TPX2: variants seen among roughly 807,000 people sequenced by gnomAD.
TPX2 encodes TPX2 microtubule nucleation factor.
TPX2 carries 21 observed loss-of-function variants against 93.6 expected under a neutral mutation model. The observed-to-expected ratio is 0.22, with a 90% confidence interval of 0.16 to 0.32. The LOEUF (loss-of-function observed/expected upper bound fraction) is 0.32. TPX2 is among the 10% of genes least tolerant of loss of function. The pLI is 1.00. For synonymous variants in TPX2, 281 were observed against 298.3 expected, an observed-to-expected ratio of 0.94 and a Z score of 0.60; for missense variants, 776 against 871.1, an observed-to-expected ratio of 0.89 and a Z score of 1.37.
Position 31,775,928 on chromosome 20 carries a change from G to A in TPX2, c.670G>A (p.Glu224Lys), listed in dbSNP as rs2061993860. The A allele has an allele frequency of 1.2e-6, 2 of 1,604,728 alleles. No homozygotes were observed. Among genetic ancestry groups the A allele is most frequent in the Non-Finnish European group, 1.7e-6 (2 of 1,174,776 alleles). The stretch of plus-strand genomic sequence containing the variant: ...GGAGAAGAGTATGAAAATGCAGCAA[G>A]AGGTGGTGGAGATGCGGAAAAAGAA... ...ELEKSMKMQQEVVEMRKKNEE... is the reference protein window; with the variant it reads ...ELEKSMKMQQKVVEMRKKNEE... Residue 224 changes from glutamate to lysine, a missense_variant, in exon 8 of 18, where the codon GAG (glutamate) becomes AAG (lysine). Around this residue, in one of 3 missense-constraint regions of TPX2, gnomAD observed 279 missense variants for 261.6 expected, o/e 1.07. Coordinates refer to ENST00000300403, the MANE Select transcript of TPX2 (RefSeq NM_012112.5).
At chr20:31,782,110 A>G in intron 10 of TPX2, 139 bp from the exon 11 acceptor site, 1 of 1,112,158 alleles carries the variant, frequency 9.0e-7, no homozygotes. Flanking sequence ...TGGTTTGACC[A>G]ATGTAAGCTG....
intron 14 of TPX2, 109 bp downstream of exon 14, chr20:31,794,133 T>C: frequency 8.2e-7 from 1 of 1,225,872 alleles, no homozygotes; most frequent in Non-Finnish European, 1.1e-6. Flanking sequence ...TTTTGATCTT[T>C]CTAAGAACCC....
intron 12 of TPX2, among the ~76,000 whole-genome samples, chr20:31,785,844 A>T (rs1156298523): frequency 1.3e-5 from 2 of 151,624 alleles, no homozygotes; most frequent in African/African-American, 4.8e-5. Context: ...TTTTCCCCCT[A>T]CCTAAGTTTT....
At chr20:31,771,349 T>C (rs894402909) in intron 6 of TPX2, among the ~76,000 whole-genome samples, 9 of 152,188 alleles carry the variant, frequency 5.9e-5, no homozygotes, top group African/African-American at 2.2e-4. Flanking sequence ...ATAACTCTTA[T>C]CTTGATAGCG....
chr20:31,771,613 C>T lies in TPX2; in HGVS notation c.539C>T (p.Ala180Val). The T allele has an allele frequency of 1.2e-6, 2 of 1,613,938 alleles. No homozygotes were observed. The highest frequency in any genetic ancestry group is 1.1e-5 in the South Asian group (1 of 91,046). The change falls in exon 7 of 18, where the codon GCT becomes GTT. Residue 180 changes from alanine (A) to valine (V), a missense_variant. By Grantham distance (64) the Ala-to-Val change is moderately conservative (BLOSUM62 0). Transcript: ENST00000300403. ...GAAGGCAGTGCTCATCAAGATACTG[C>T]TGAAAAGAATGCATCTTCCCCAGAG... Reference protein sequence around the residue: ...EEEGSAHQDTAEKNASSPEKA... With the variant: ...EEEGSAHQDTVEKNASSPEKA...
chr20:31,775,206 G>A (rs1283696339), intron 7 of TPX2, among the ~76,000 whole-genome samples: 4 of 151,554 alleles, frequency 2.6e-5, no homozygotes, highest in Non-Finnish European at 4.4e-5. Flanking sequence ...TCATCCACCC[G>A]CCTCGGCCTC....
chr20:31,779,063 C>G, intron 10 of TPX2, 79 bp downstream of exon 10: 1 of 1,416,504 alleles, frequency 7.1e-7, no homozygotes. Context: ...ACAGATTTGT[C>G]TTTAGCTGAA....
chr20:31,794,158 G>A (rs1295996663), intron 14 of TPX2, 134 bp downstream of exon 14: 11 of 1,114,478 alleles, frequency 9.9e-6, no homozygotes, highest in Non-Finnish European at 1.4e-5. Context: ...AAATATAAAT[G>A]GGACAAGTAA....
chr20:31,782,471 C>G (rs1454228892), intron 11 of TPX2, 81 bp downstream of exon 11: 3 of 1,508,104 alleles, frequency 2.0e-6, no homozygotes, highest in Admixed American at 2.2e-5. Context: ...GTGACAGTTG[C>G]TATTTTTCTT....
rs397866298 is a variant in TPX2 at position 31,772,019 on chromosome 20, CT to C, written c.608+356del. Among the ~76,000 whole-genome samples the C allele has an allele frequency of 1.2e-3, 147 of 125,248 alleles. 1 individual carries two copies. The highest frequency in any genetic ancestry group is 8.7e-3 in the Middle Eastern group (2 of 230). 82.2% of individuals were successfully genotyped at this position (125,248 alleles called of 152,430 possible). ...GGCATGCACTATCATGCCTGGCTAA[CT>C]TTTTTTTTTTTTTTTTTTGAGACAG... On this transcript the variant is annotated intron_variant, in intron 7 of 17. Coordinates refer to ENST00000300403, the MANE Select transcript of TPX2 (RefSeq NM_012112.5).
At chr20:31,762,706 C>G (rs989664888) in intron 4 of TPX2, among the ~76,000 whole-genome samples, 5 of 152,054 alleles carry the variant, frequency 3.3e-5, no homozygotes, top group African/African-American at 1.2e-4. Context: ...GTCTTTAATC[C>G]ATTTTGAGTT....
At position 31,770,447 on chromosome 20, in the gene TPX2, T is replaced by C; in HGVS notation, c.461T>C (p.Ile154Thr). Residue 154 changes from isoleucine to threonine, a missense_variant, in exon 6 of 18, where the codon ATT becomes ACT. Physicochemically the swap from Ile to Thr is moderately conservative, Grantham distance 89. Transcript: ENST00000300403. ...RCATPVIIDE[I>T]LPSKKMKVSN... is the part of the protein sequence containing the mutation. ...GCCACTCCTGTAATCATCGATGAAATTCTACCCTCTAAGAAAATGAAAGTG... is the reference window on the plus strand; with the variant it reads ...GCCACTCCTGTAATCATCGATGAAACTCTACCCTCTAAGAAAATGAAAGTG... 1 of 1,586,920 alleles carries C rather than the reference T, an allele frequency of 6.3e-7. No individual in the cohort carries two copies. Among genetic ancestry groups the C allele is most frequent in the South Asian group, 1.2e-5 (1 of 85,732 alleles).
chr20:31,759,797 A>T (rs1005262555), intron 3 of TPX2, among the ~76,000 whole-genome samples: 1 of 152,018 alleles, frequency 6.6e-6, no homozygotes, highest in Non-Finnish European at 1.5e-5. Context: ...AAAGATAAGG[A>T]GTTATTCACA....
intron 1 of TPX2, among the ~76,000 whole-genome samples, chr20:31,740,685 A>G (rs2061748425): frequency 6.6e-6 from 1 of 152,236 alleles, no homozygotes; most frequent in Non-Finnish European, 1.5e-5. Context: ...AGAGCAAGAT[A>G]GGACACCATC....
chr20:31,773,869 GA>G (rs1191018972), intron 7 of TPX2, among the ~76,000 whole-genome samples: 1 of 151,248 alleles, frequency 6.6e-6, no homozygotes, highest in Non-Finnish European at 1.5e-5. Context: ...AGAACATTTG[GA>G]TTTTTTTTTT....
At chr20:31,775,788 T>C in intron 7 of TPX2, 79 bp from the exon 8 acceptor site, 1 of 1,332,078 alleles carries the variant, frequency 7.5e-7, no homozygotes, top group East Asian at 2.8e-5. Flanking sequence ...AAAAATATTA[T>C]ATAATGCCTG....
At chr20:31,767,300 C>T (rs1261347630) in intron 5 of TPX2, among the ~76,000 whole-genome samples, 2 of 152,106 alleles carry the variant, frequency 1.3e-5, no homozygotes, top group African/African-American at 4.8e-5. Flanking sequence ...TTCCAAAGGC[C>T]TTGTATGGAT....
At chr20:31,754,882 A>T in intron 2 of TPX2, among the ~76,000 whole-genome samples, 1 of 152,240 alleles carries the variant, frequency 6.6e-6, no homozygotes, top group Admixed American at 6.5e-5. Flanking sequence ...TGATTCATTT[A>T]AAAAAATAAT....
At chr20:31,754,881 TAAAA>T (rs1159020202) in intron 2 of TPX2, among the ~76,000 whole-genome samples, 5 of 152,158 alleles carry the variant, frequency 3.3e-5, no homozygotes, top group Non-Finnish European at 7.3e-5. Context: ...ATGATTCATT[TAAAA>T]AAATAATAGT....
Sources: gnomAD v4.1 joint callset for allele counts (sites outside exome capture counted in the v4.1 genomes callset) on GRCh38, gnomAD v4.1.1 for gene constraint, gnomAD v4.1.1 regional missense constraint, MANE v1.5 for transcripts, NCBI Gene and HGNC (gene_info 2026-07-23, HGNC 2026-07-21) for gene names.